The following KIAA1328 variants were observed in gnomAD, a reference collection of about 807,000 sequenced individuals.
KIAA1328 encodes the protein KIAA1328, also known as protein hinderin.
KIAA1328 carries 52 observed loss-of-function variants against 68.1 expected under a neutral mutation model. That is an observed-to-expected ratio of 0.76 (90% CI 0.61 to 0.96). KIAA1328 has a LOEUF of 0.96. KIAA1328 is among the 40% of genes least tolerant of loss of function. KIAA1328 has a pLI of 0.00. For missense variants in KIAA1328, 641 were observed against 677.6 expected (o/e 0.95, Z 0.60); for synonymous variants, 232 against 239.4 (o/e 0.97, Z 0.28).
At chr18:36,860,577 C>T (rs899621477) in intron 4 of KIAA1328, among the ~76,000 whole-genome samples, 8 of 152,002 alleles carry the variant, frequency 5.3e-5, no homozygotes, top group African/African-American at 9.7e-5. Context: ...AGTGCAAGAA[C>T]GTTAGAACAC....
intron 1 of KIAA1328, chr18:36,832,992 A>G (rs1392268114): frequency 6.6e-6 from 1 of 151,854 alleles, no homozygotes; most frequent in Non-Finnish European, 1.5e-5. Context: ...ACCCGCCACC[A>G]TGCCCGGCTA....
intron 9 of KIAA1328, among the ~76,000 whole-genome samples, chr18:37,200,903 C>A (rs1276900973): frequency 6.6e-6 from 1 of 151,686 alleles, no homozygotes; most frequent in Non-Finnish European, 1.5e-5. Context: ...ACCCACAGTT[C>A]CCCCTTTTGA....
At chr18:37,047,048 C>G (rs577621878) in intron 6 of KIAA1328, among the ~76,000 whole-genome samples, 113 of 152,296 alleles carry the variant, frequency 7.4e-4, no homozygotes, top group African/African-American at 2.3e-3. Context: ...AGGAGAAACA[C>G]TTGAACCGAA....
chr18:37,223,744 C>G lies in KIAA1328; in HGVS notation c.*1517C>G. 3.0e-6 allele frequency: 3 copies of G among 985,354 alleles called. No individual in the cohort carries two copies. The highest frequency in any genetic ancestry group is 2.4e-6 in the Non-Finnish European group (2 of 829,922). The allele number at this position is 985,354 out of a possible 1,614,324, so 61.0% of individuals were successfully genotyped here. ...CTAGAAAAGCCTTGTTGAGCAGCCT[C>G]CTTATCCAGATAGATCCAAAGCTCA... On this transcript the variant is annotated 3_prime_UTR_variant, in exon 10 of 10. Transcript: ENST00000280020.
chr18:36,899,692 A>C (rs964945138), intron 5 of KIAA1328, among the ~76,000 whole-genome samples: 1 of 151,994 alleles, frequency 6.6e-6, no homozygotes, highest in Admixed American at 6.6e-5. Flanking sequence ...CCTGACTGCT[A>C]GGAAAGAATG....
At position 37,217,854 on chromosome 18, in the gene KIAA1328, G is replaced by C. The variant is rs184444592; in HGVS notation, c.1524-4163G>C. The stretch of plus-strand genomic sequence containing the variant: ...TCACATAGTCTCATATTTCTTGGAG[G>C]CTTTGTTCGTTTCTTTTTACTCTTT... On this transcript the variant is annotated intron_variant, in intron 9 of 9. Transcript: ENST00000280020. Among the ~76,000 whole-genome samples the C allele has an allele frequency of 4.5e-3, 684 of 152,274 alleles. 4 individuals are homozygous for C. Among genetic ancestry groups the C allele is most frequent in the South Asian group, 0.018 (89 of 4,826 alleles).
At chr18:37,032,740 C>G (rs1187860303) in intron 6 of KIAA1328, among the ~76,000 whole-genome samples, 1 of 152,156 alleles carries the variant, frequency 6.6e-6, no homozygotes, top group African/African-American at 2.4e-5. Context: ...CTCCCAGATT[C>G]AAGCGATTCT....
intron 6 of KIAA1328, among the ~76,000 whole-genome samples, chr18:37,003,114 A>G (rs1002730347): frequency 1.3e-5 from 2 of 152,124 alleles, no homozygotes; most frequent in Non-Finnish European, 2.9e-5. Flanking sequence ...CTTCAAAAGT[A>G]GTGCTGGGAA....
intron 6 of KIAA1328, among the ~76,000 whole-genome samples, chr18:37,041,543 A>T (rs1387458688): frequency 6.6e-6 from 1 of 151,038 alleles, no homozygotes; most frequent in Non-Finnish European, 1.5e-5. Context: ...TGTAATTGTG[A>T]TATGGTTGGA....
intron 3 of KIAA1328, among the ~76,000 whole-genome samples, chr18:36,839,631 C>T (rs1259372900): frequency 6.6e-6 from 1 of 152,118 alleles, no homozygotes; most frequent in Non-Finnish European, 1.5e-5. Context: ...TTGGATGTCA[C>T]AAGACAGTAT....
intron 6 of KIAA1328, among the ~76,000 whole-genome samples, chr18:37,053,535 C>T (rs1402259308): frequency 6.6e-6 from 1 of 152,116 alleles, no homozygotes; most frequent in African/African-American, 2.4e-5. Context: ...AAACTATCAA[C>T]AGAGTAAAAA....
chr18:36,990,126 A>G (rs2053115692), intron 6 of KIAA1328, among the ~76,000 whole-genome samples: 1 of 152,166 alleles, frequency 6.6e-6, no homozygotes, highest in African/African-American at 2.4e-5. Context: ...AATAACTACT[A>G]TTAACATTAA....
chr18:37,064,233 T>A (rs1384464426), intron 6 of KIAA1328, among the ~76,000 whole-genome samples: 1 of 152,204 alleles, frequency 6.6e-6, no homozygotes, highest in Non-Finnish European at 1.5e-5. Context: ...CATTCTCATT[T>A]AAATAGAAAT....
At chr18:37,073,934 T>C (rs1382312289) in intron 7 of KIAA1328, among the ~76,000 whole-genome samples, 8 of 152,184 alleles carry the variant, frequency 5.3e-5, no homozygotes, top group Non-Finnish European at 1.2e-4. Flanking sequence ...TGATGAGTGA[T>C]TTTTATTGCA....
intron 6 of KIAA1328, among the ~76,000 whole-genome samples, chr18:36,999,934 G>C (rs1283345052): frequency 6.6e-6 from 1 of 151,470 alleles, no homozygotes. Flanking sequence ...AACACTAAGA[G>C]AAAAGAAGGG....
At chr18:37,101,090 A>G (rs1437853749) in intron 7 of KIAA1328, among the ~76,000 whole-genome samples, 2 of 152,140 alleles carry the variant, frequency 1.3e-5, no homozygotes, top group Non-Finnish European at 2.9e-5. Context: ...CAGAAAACGA[A>G]ACTCTAAATA....
At chr18:36,951,619 C>A (rs778210119) in intron 5 of KIAA1328, among the ~76,000 whole-genome samples, 2 of 152,154 alleles carry the variant, frequency 1.3e-5, no homozygotes, top group African/African-American at 4.8e-5. Context: ...ATCCAAGTGT[C>A]CCCTCTTCGC....
intron 7 of KIAA1328, among the ~76,000 whole-genome samples, chr18:37,108,242 A>G (rs1170087451): frequency 6.6e-6 from 1 of 152,168 alleles, no homozygotes; most frequent in African/African-American, 2.4e-5. Flanking sequence ...ACTGGTGGCT[A>G]TTATCATAAG....
At chr18:37,164,235 C>T (rs2059340640) in intron 8 of KIAA1328, among the ~76,000 whole-genome samples, 1 of 152,178 alleles carries the variant, frequency 6.6e-6, no homozygotes, top group Admixed American at 6.5e-5. Flanking sequence ...ACTCATTAAA[C>T]ATTTGTTGAA....
Sources: allele counts gnomAD v4.1 joint callset (sites outside exome capture counted in the v4.1 genomes callset), GRCh38; gene constraint gnomAD v4.1.1; transcripts MANE v1.5; gene names NCBI Gene and HGNC (gene_info 2026-07-23, HGNC 2026-07-21).